Variants in TNRC6B observed in about 807,000 individuals in gnomAD.
TNRC6B encodes the protein trinucleotide repeat containing adaptor 6B.
TNRC6B carries 52 observed loss-of-function variants against 203.6 expected under a neutral mutation model. The ratio of observed to expected loss-of-function variants is 0.26; its 90% CI spans 0.20 to 0.32. The LOEUF (loss-of-function observed/expected upper bound fraction) is 0.32. TNRC6B is among the 10% of genes least tolerant of loss of function. The pLI is 1.00. For missense variants in TNRC6B, 1,923 were observed against 2,286.2 expected (o/e 0.84, Z 3.24); for synonymous variants, 838 against 845.7 (o/e 0.99, Z 0.16).
chr22:40,101,380 C>T (rs188985146), intron 1 of TNRC6B, among the ~76,000 whole-genome samples: 1 of 152,258 alleles, frequency 6.6e-6, no homozygotes, highest in Admixed American at 6.5e-5. Flanking sequence ...CGGCGCCACC[C>T]CCAGCATTTC....
At chr22:40,104,527 T>C (rs1382870450) in intron 1 of TNRC6B, among the ~76,000 whole-genome samples, 2 of 152,208 alleles carry the variant, frequency 1.3e-5, no homozygotes, top group African/African-American at 4.8e-5. Context: ...ATTCACTGAA[T>C]ATCTGCTACC....
chr22:40,289,065 T>G (rs1191605275), intron 12 of TNRC6B, among the ~76,000 whole-genome samples: 1 of 146,604 alleles, frequency 6.8e-6, no homozygotes, highest in Non-Finnish European at 1.5e-5. Context: ...CCACCCCACC[T>G]TGACCTCCCA....
intron 12 of TNRC6B, among the ~76,000 whole-genome samples, chr22:40,290,901 G>C (rs1404564282): frequency 1.3e-5 from 2 of 152,160 alleles, no homozygotes; most frequent in Non-Finnish European, 2.9e-5. Flanking sequence ...TGAGAGACTT[G>C]GGTACTACAG....
At chr22:40,158,299 A>C (rs1241226754) in intron 4 of TNRC6B, among the ~76,000 whole-genome samples, 1 of 151,906 alleles carries the variant, frequency 6.6e-6, no homozygotes, top group African/African-American at 2.4e-5. Context: ...AGATCACACC[A>C]TTGCACTCCA....
intron 3 of TNRC6B, among the ~76,000 whole-genome samples, chr22:40,126,432 C>T (rs1335080666): frequency 2.0e-5 from 3 of 151,924 alleles, no homozygotes; most frequent in African/African-American, 7.3e-5. Flanking sequence ...CAGTGTCCAC[C>T]GTTTCCATCT....
At chr22:40,178,557 A>T (rs772735829) in intron 1 of TNRC6B, among the ~76,000 whole-genome samples, 10 of 152,182 alleles carry the variant, frequency 6.6e-5, no homozygotes, top group Non-Finnish European at 1.2e-4. Flanking sequence ...CCGACAAAGG[A>T]TCTGGGAGGG....
intron 1 of TNRC6B, among the ~76,000 whole-genome samples, chr22:40,206,944 G>C (rs6001835): frequency 6.6e-6 from 1 of 151,982 alleles, no homozygotes; most frequent in Admixed American, 6.6e-5. Flanking sequence ...AACATCGGAC[G>C]TTTATTCTCT....
chr22:40,109,759 C>G (rs2068316711), intron 1 of TNRC6B, among the ~76,000 whole-genome samples: 1 of 152,220 alleles, frequency 6.6e-6, no homozygotes, highest in Non-Finnish European at 1.5e-5. Flanking sequence ...ATCCCAGTTT[C>G]TCTCTGAAGG....
intron 1 of TNRC6B, among the ~76,000 whole-genome samples, chr22:40,191,531 G>T (rs2069273271): frequency 6.6e-6 from 1 of 152,136 alleles, no homozygotes; most frequent in African/African-American, 2.4e-5. Flanking sequence ...GAGCAGAAGG[G>T]TAGCTTGGAG....
chr22:40,083,224 C>CT (rs1486117531), intron 1 of TNRC6B, among the ~76,000 whole-genome samples: 1 of 152,168 alleles, frequency 6.6e-6, no homozygotes, highest in Non-Finnish European at 1.5e-5. Flanking sequence ...CTAGAAGCTG[C>CT]TGTATCCCTC....
chr22:40,064,075 A>G (rs1002006748), intron 1 of TNRC6B, among the ~76,000 whole-genome samples: 2 of 152,218 alleles, frequency 1.3e-5, no homozygotes, highest in Admixed American at 6.5e-5. Flanking sequence ...GTAGAAATAC[A>G]ATGGATTTTA....
chr22:40,295,072 A>G (rs1453470354), intron 12 of TNRC6B, among the ~76,000 whole-genome samples: 2 of 152,224 alleles, frequency 1.3e-5, no homozygotes, highest in African/African-American at 4.8e-5. Flanking sequence ...TTCCAAAATG[A>G]CAGAGTTGAT....
intron 3 of TNRC6B, among the ~76,000 whole-genome samples, chr22:40,254,814 G>A (rs1213157409): frequency 6.6e-6 from 1 of 152,164 alleles, no homozygotes; most frequent in Non-Finnish European, 1.5e-5. Flanking sequence ...TTGAACCTGG[G>A]AGGCAGAGGT....
intron 3 of TNRC6B, among the ~76,000 whole-genome samples, chr22:40,153,273 C>T (rs1208130858): frequency 6.6e-6 from 1 of 151,986 alleles, no homozygotes; most frequent in African/African-American, 2.4e-5. Flanking sequence ...GTAAAAGAGA[C>T]AGAGGATCTG....
At chr22:40,082,357 G>C (rs1438698527) in intron 1 of TNRC6B, among the ~76,000 whole-genome samples, 1 of 152,168 alleles carries the variant, frequency 6.6e-6, no homozygotes, top group Non-Finnish European at 1.5e-5. Context: ...AGAGGAGAGG[G>C]TGTTTCTGAC....
chr22:40,271,135 G>C (rs1389653684), intron 6 of TNRC6B, among the ~76,000 whole-genome samples: 1 of 152,206 alleles, frequency 6.6e-6, no homozygotes, highest in Non-Finnish European at 1.5e-5. Flanking sequence ...AGCTGTACTT[G>C]ATCCAGCTGG....
intron 1 of TNRC6B, among the ~76,000 whole-genome samples, chr22:40,224,619 A>G (rs193072599): frequency 2.6e-5 from 4 of 152,306 alleles, no homozygotes; most frequent in African/African-American, 9.6e-5. Context: ...AGTTTGTATC[A>G]TAGTTAGAAA....
intron 1 of TNRC6B, among the ~76,000 whole-genome samples, chr22:40,221,138 C>G (rs1235488419): frequency 3.9e-5 from 6 of 152,130 alleles, no homozygotes; most frequent in Non-Finnish European, 8.8e-5. Context: ...GGCACTGAGT[C>G]CAGGCCATGT....
intron 1 of TNRC6B, among the ~76,000 whole-genome samples, chr22:40,091,083 G>A (rs1483501960): frequency 1.3e-5 from 2 of 152,070 alleles, no homozygotes; most frequent in South Asian, 2.1e-4. Flanking sequence ...CCGGGTTCAC[G>A]CCATTCTCCT....
Sources: allele counts gnomAD v4.1 joint callset (sites outside exome capture counted in the v4.1 genomes callset), GRCh38; gene constraint gnomAD v4.1.1; transcripts MANE v1.5; gene names NCBI Gene and HGNC (gene_info 2026-07-23, HGNC 2026-07-21).